SGCZ: variants seen among roughly 807,000 people sequenced by gnomAD.
SGCZ encodes sarcoglycan zeta.
Under a neutral mutation model 41.3 loss-of-function variants are expected in SGCZ, and 40 were observed. The ratio of observed to expected loss-of-function variants is 0.97; its 90% CI spans 0.75 to 1.26. The LOEUF is 1.26. Ranked by LOEUF, SGCZ falls within the 50% of genes most tolerant of loss-of-function variation. The pLI is 0.00. For missense variants in SGCZ, 552 were observed against 369.8 expected (o/e 1.49, Z -4.04); for synonymous variants, 206 against 137.5 (o/e 1.50, Z -3.49).
At chr8:14,453,868 A>G (rs544929341) in intron 2 of SGCZ, among the ~76,000 whole-genome samples, 1 of 152,220 alleles carries the variant, frequency 6.6e-6, no homozygotes, top group African/African-American at 2.4e-5. Flanking sequence ...CTTTAAATAC[A>G]GAACTGTCTC....
At chr8:14,456,248 A>G (rs1021884820) in intron 2 of SGCZ, among the ~76,000 whole-genome samples, 1 of 152,054 alleles carries the variant, frequency 6.6e-6, no homozygotes, top group Non-Finnish European at 1.5e-5. Flanking sequence ...GTCTCTACTA[A>G]ATATACAAAA....
chr8:15,116,883 A>G (rs1807288720), intron 1 of SGCZ, among the ~76,000 whole-genome samples: 3 of 152,228 alleles, frequency 2.0e-5, no homozygotes, highest in East Asian at 1.9e-4. Flanking sequence ...AAATGGTTCA[A>G]CTACAATCAC....
intron 1 of SGCZ, among the ~76,000 whole-genome samples, chr8:14,662,772 A>G (rs989235315): frequency 7.2e-5 from 11 of 152,180 alleles, no homozygotes; most frequent in Admixed American, 3.3e-4. Context: ...CATGGGCCCA[A>G]GGTAATCACA....
At chr8:15,100,000 T>C (rs1422175609) in intron 1 of SGCZ, among the ~76,000 whole-genome samples, 1 of 152,130 alleles carries the variant, frequency 6.6e-6, no homozygotes, top group East Asian at 1.9e-4. Flanking sequence ...AATATCCTAC[T>C]TTAATGTTCA....
chr8:14,943,108 G>A (rs1800330422), intron 1 of SGCZ, among the ~76,000 whole-genome samples: 1 of 152,046 alleles, frequency 6.6e-6, no homozygotes, highest in Non-Finnish European at 1.5e-5. Flanking sequence ...TATACAAAAA[G>A]TGATTCACAA....
intron 1 of SGCZ, among the ~76,000 whole-genome samples, chr8:15,088,474 C>G (rs1221028286): frequency 6.6e-6 from 1 of 152,088 alleles, no homozygotes; most frequent in Non-Finnish European, 1.5e-5. Flanking sequence ...TTTGCCACAA[C>G]TTGTTCAAAA....
chr8:14,660,264 C>T (rs1052986778), intron 1 of SGCZ, among the ~76,000 whole-genome samples: 1 of 152,084 alleles, frequency 6.6e-6, no homozygotes, highest in East Asian at 1.9e-4. Flanking sequence ...TGAAGGGTTA[C>T]TGTCATAGAA....
chr8:14,383,338 T>C (rs1326870156), intron 2 of SGCZ, among the ~76,000 whole-genome samples: 1 of 152,250 alleles, frequency 6.6e-6, no homozygotes, highest in Non-Finnish European at 1.5e-5. Flanking sequence ...ATTTCTATGC[T>C]GATTTTATCA....
chr8:14,444,266 G>T (rs1800362409), intron 2 of SGCZ, among the ~76,000 whole-genome samples: 1 of 152,108 alleles, frequency 6.6e-6, no homozygotes, highest in Non-Finnish European at 1.5e-5. Context: ...ATTCCTCAGG[G>T]ATCTAGAACT....
intron 1 of SGCZ, among the ~76,000 whole-genome samples, chr8:15,083,465 A>C (rs895138500): frequency 6.6e-5 from 10 of 152,174 alleles, no homozygotes; most frequent in African/African-American, 9.7e-5. Context: ...GCCTCTATAA[A>C]CATGGGAATC....
chr8:14,338,678 T>A (rs1033316539), intron 2 of SGCZ, among the ~76,000 whole-genome samples: 1 of 152,244 alleles, frequency 6.6e-6, no homozygotes, highest in Non-Finnish European at 1.5e-5. Flanking sequence ...ATCTACTTTG[T>A]TCCTCATACA....
chr8:14,456,633 AG>A (rs1488170912), intron 2 of SGCZ, among the ~76,000 whole-genome samples: 1 of 152,160 alleles, frequency 6.6e-6, no homozygotes, highest in Non-Finnish European at 1.5e-5. Context: ...AAGAGTGAAA[AG>A]AAAGGGAGAA....
intron 1 of SGCZ, among the ~76,000 whole-genome samples, chr8:14,571,398 CTG>C: frequency 6.6e-6 from 1 of 152,142 alleles, no homozygotes; most frequent in Non-Finnish European, 1.5e-5. Context: ...CAAGTAGTCA[CTG>C]TTTTTAGCAA....
chr8:14,400,263 G>A (rs76867322), intron 2 of SGCZ, among the ~76,000 whole-genome samples: 4 of 151,938 alleles, frequency 2.6e-5, no homozygotes, highest in Admixed American at 2.6e-4. Context: ...CCATTCATCA[G>A]TTGACATTTT....
intron 1 of SGCZ, among the ~76,000 whole-genome samples, chr8:14,711,050 T>C (rs1809498689): frequency 6.6e-6 from 1 of 152,168 alleles, no homozygotes; most frequent in South Asian, 2.1e-4. Context: ...AAAGATTAAA[T>C]GTTCAAATTA....
At chr8:14,333,074 A>G (rs1388365443) in intron 2 of SGCZ, among the ~76,000 whole-genome samples, 2 of 152,044 alleles carry the variant, frequency 1.3e-5, no homozygotes, top group Non-Finnish European at 2.9e-5. Flanking sequence ...TCTACAGGCA[A>G]TTGGAATCAC....
At chr8:14,929,192 C>T (rs568878130) in intron 1 of SGCZ, among the ~76,000 whole-genome samples, 4 of 152,126 alleles carry the variant, frequency 2.6e-5, no homozygotes, top group African/African-American at 7.2e-5. Flanking sequence ...GGGGTTTCAC[C>T]ATATTGGCCA....
intron 2 of SGCZ, among the ~76,000 whole-genome samples, chr8:14,471,214 G>T (rs1181091228): frequency 6.6e-6 from 1 of 152,110 alleles, no homozygotes; most frequent in Non-Finnish European, 1.5e-5. Flanking sequence ...AAATGGTTCA[G>T]AATATAGACA....
intron 1 of SGCZ, among the ~76,000 whole-genome samples, chr8:14,688,662 T>A (rs1170273783): frequency 1.3e-5 from 2 of 152,184 alleles, no homozygotes; most frequent in African/African-American, 2.4e-5. Context: ...GGCTTAGGAT[T>A]GACTTGGCAA....
Sources: gnomAD v4.1 joint callset for allele counts (sites outside exome capture counted in the v4.1 genomes callset) on GRCh38, gnomAD v4.1.1 for gene constraint, MANE v1.5 for transcripts, NCBI Gene and HGNC (gene_info 2026-07-23, HGNC 2026-07-21) for gene names.